Variants in ABCG8 observed in about 807,000 individuals in gnomAD.
ABCG8 encodes the protein ATP-binding cassette sub-family G member 8.
Under a neutral mutation model 71.3 loss-of-function variants are expected in ABCG8, and 81 were observed. The ratio of observed to expected loss-of-function variants is 1.14; its 90% CI spans 0.95 to 1.37. The LOEUF (loss-of-function observed/expected upper bound fraction) is 1.37. Ranked by LOEUF, ABCG8 falls within the 40% of genes most tolerant of loss-of-function variation. The pLI is 0.00. For synonymous variants in ABCG8, 451 were observed against 354.7 expected (o/e 1.27, Z -3.05); for missense variants, 1,119 against 866.2 (o/e 1.29, Z -3.66).
intron 6 of ABCG8, among the ~76,000 whole-genome samples, chr2:43,871,265 C>T (rs867948707): frequency 1.5e-5 from 2 of 135,144 alleles, no homozygotes; most frequent in East Asian, 2.1e-4. Context: ...GAATTCTCAC[C>T]CTCTGGATAG....
At position 43,851,634 on chromosome 2, in the gene ABCG8, G is replaced by A. The variant is rs148408462; in HGVS notation, c.373G>A (p.Gly125Ser). The A allele has an allele frequency of 2.8e-5, 46 of 1,614,128 alleles. No homozygotes were observed. Among genetic ancestry groups the A allele is most frequent in the Non-Finnish European group, 3.6e-5 (43 of 1,180,060 alleles). ...LDVITGRGHG[G>S]KIKSGQIWIN... ...TGTGATCACTGGCCGAGGTCACGGC[G>A]GCAAGATCAAGTCAGGCCAGATCTG... The change falls in exon 4 of 13, where the codon GGC (glycine) becomes AGC (serine). Residue 125 changes from glycine to serine, a missense_variant. Gly to Ser is a moderately conservative substitution (Grantham distance 56). Transcript: ENST00000272286.
chr2:43,857,814 A>G (rs2104926858), intron 6 of ABCG8, among the ~76,000 whole-genome samples: 1 of 151,732 alleles, frequency 6.6e-6, no homozygotes, highest in South Asian at 2.1e-4. Flanking sequence ...AACTCTCACT[A>G]CCTGTCTAGA....
rs1255790891 is a variant in ABCG8 at position 43,880,941 on chromosome 2, G to A, written c.*3028G>A. On this transcript the variant is annotated 3_prime_UTR_variant, in exon 13 of 13. Coordinates refer to ENST00000272286, the MANE Select transcript of ABCG8 (RefSeq NM_022437.3). ...AACTCCCAAGTCCAGCTTTCCCTGA[G>A]TCTGCAGCTGTCTTCCTCACACTCC... is the stretch of plus-strand genomic sequence containing the variant. The A allele has an allele frequency of 6.6e-6, 1 of 152,302 alleles. No homozygotes were observed. The highest frequency in any genetic ancestry group is 1.5e-5 in the Non-Finnish European group (1 of 68,120). The allele number at this position is 152,302 out of a possible 1,614,324, so 9.4% of individuals were successfully genotyped here. A position where few individuals can be genotyped will look rare whatever the true frequency, so the allele number is the denominator to read the frequency against.
intron 6 of ABCG8, among the ~76,000 whole-genome samples, chr2:43,862,444 C>G (rs1669359089): frequency 1.3e-5 from 2 of 150,618 alleles, no homozygotes; most frequent in Admixed American, 6.6e-5. Context: ...AGAACTCTCA[C>G]TATCTGAATA....
rs537784677 is a variant in ABCG8 at position 43,839,403 on chromosome 2, C to CTTTTTTTTTTTTTTTTTTT, written c.63+310_63+328dup. On this transcript the variant is annotated intron_variant, in intron 1 of 12. Coordinates refer to ENST00000272286, the MANE Select transcript of ABCG8 (RefSeq NM_022437.3). ...CACTTTTTCTTTTTTCTTTTCTTCTCTTTTTTTTTTTTTTTTTTTTTTTTT... is the reference window on the plus strand; with the variant it reads ...CACTTTTTCTTTTTTCTTTTCTTCTCTTTTTTTTTTTTTTTTTTTTTTTTTTTTTTTTTTTTTTTTTTTT... Among the ~76,000 whole-genome samples, 22 of 59,310 alleles carry CTTTTTTTTTTTTTTTTTTT rather than the reference C, an allele frequency of 3.7e-4. 3 individuals are homozygous for CTTTTTTTTTTTTTTTTTTT. The highest frequency in any genetic ancestry group is 6.7e-4 in the Non-Finnish European group (21 of 31,220). The allele number at this position is 59,310 out of a possible 152,430, so 38.9% of individuals were successfully genotyped here. A position where few individuals can be genotyped will look rare whatever the true frequency, so the allele number is the denominator to read the frequency against.
At chr2:43,872,400 G>A (rs1020102718) in intron 8 of ABCG8, 94 bp downstream of exon 8, 3 of 1,380,790 alleles carry the variant, frequency 2.2e-6, no homozygotes, top group Non-Finnish European at 3.0e-6. Context: ...ATTTAAAGGA[G>A]AAAGTGAGAG....
chr2:43,844,574 C>T lies in ABCG8; in HGVS notation c.131C>T (p.Pro44Leu). 6.2e-7 allele frequency: 1 copy of T among 1,614,132 alleles called. No individual in the cohort carries two copies. Among genetic ancestry groups the T allele is most frequent in the Non-Finnish European group, 8.5e-7 (1 of 1,180,006 alleles). Residue 44 changes from proline to leucine, a missense_variant, in exon 2 of 13, where the codon CCC becomes CTC. Physicochemically the swap from Pro to Leu is moderately conservative, Grantham distance 98. Coordinates refer to ENST00000272286, the MANE Select transcript of ABCG8 (RefSeq NM_022437.3). The part of the protein sequence containing the change: ...NSLYFTYSGQ[P>L]NTLEVRDLNY... ...CTGTACTTCACCTACAGTGGCCAGCCCAACACCCTGGAGGTCAGAGACCTC... is the reference window on the plus strand; with the variant it reads ...CTGTACTTCACCTACAGTGGCCAGCTCAACACCCTGGAGGTCAGAGACCTC...
intron 6 of ABCG8, among the ~76,000 whole-genome samples, chr2:43,866,314 G>A (rs1669530933): frequency 6.6e-6 from 1 of 151,592 alleles, no homozygotes; most frequent in Non-Finnish European, 1.5e-5. Flanking sequence ...AACACCAAAA[G>A]CAATGGCAAC....
chr2:43,839,244 G>A (rs778758962), intron 1 of ABCG8, 128 bp downstream of exon 1: 86 of 1,041,816 alleles, frequency 8.3e-5, no homozygotes, highest in Non-Finnish European at 1.2e-4. Context: ...GGACATGGCC[G>A]CAGGACTGTT....
In ABCG8 at chr2:43,877,625, G is replaced by A. The variant is rs762395277; in HGVS notation, c.1821G>A (p.Gln607=). The change falls in exon 12 of 13, where the codon CAG becomes CAA. Residue 607 remains glutamine (Q), a synonymous_variant. Transcript: ENST00000272286. ...GTTTTGAAGGGCTGATGAAGATTCA[G>A]TTCAGCAGAAGAACTTATAAAATGC... is the stretch of plus-strand genomic sequence containing the variant. ...RWCFEGLMKI[Q]FSRRTYKMPL... is the part of the protein sequence containing the mutation. The A allele has an allele frequency of 2.5e-6, 4 of 1,614,174 alleles. No individual in the cohort carries two copies. The highest frequency in any genetic ancestry group is 1.6e-4 in the Middle Eastern group (1 of 6,062).
chr2:43,857,140 T>C (rs563960202), intron 6 of ABCG8, among the ~76,000 whole-genome samples: 1 of 151,970 alleles, frequency 6.6e-6, no homozygotes, highest in Admixed American at 6.5e-5. Flanking sequence ...ACTATCTATC[T>C]GGATAGAATT....
At position 43,871,902 on chromosome 2, in the gene ABCG8, G is replaced by A. The variant is rs115578276; in HGVS notation, c.965-74G>A. ...GGGTGATCAGCATTGTGAGCTGGGCGTGCACCAAGCTCTTCACCTGTGAGC... is the reference window on the plus strand; with the variant it reads ...GGGTGATCAGCATTGTGAGCTGGGCATGCACCAAGCTCTTCACCTGTGAGC... On this transcript the variant is annotated intron_variant, in intron 6 of 12. Transcript: ENST00000272286. 2,761 of 1,599,820 alleles carry A rather than the reference G, an allele frequency of 1.7e-3. 26 individuals carry two copies. The African/African-American group carries it at 0.023, about 13-fold the overall frequency.
chr2:43,852,714 C>T lies in ABCG8; in HGVS notation c.810C>T (p.His270=). 1 of 1,614,194 alleles carries T rather than the reference C, an allele frequency of 6.2e-7. No homozygotes were observed. Among genetic ancestry groups the T allele is most frequent in the African/African-American group, 1.3e-5 (1 of 75,052 alleles). The stretch of plus-strand genomic sequence containing the variant: ...ACCGGCTGGTGCTCATCTCCCTCCA[C>T]CAGCCTCGCTCTGACATCTTCAGGC... The part of the protein sequence containing the change: ...KGNRLVLISL[H]QPRSDIFRLF... The change falls in exon 6 of 13, where the codon CAC becomes CAT. Residue 270 remains histidine, a synonymous_variant. Coordinates refer to ENST00000272286, the MANE Select transcript of ABCG8 (RefSeq NM_022437.3).
At position 43,877,487 on chromosome 2, in the gene ABCG8, G is replaced by A. The variant is rs1669995799; in HGVS notation, c.1757-74G>A. The A allele has an allele frequency of 3.1e-6, 5 of 1,607,848 alleles. No homozygotes were observed. In the East Asian group the frequency reaches 8.9e-5, roughly 29 times the overall value. On this transcript the variant is annotated intron_variant, in intron 11 of 12. Transcript: ENST00000272286. ...TATGGGGAGACTCTGTGAATATGGG[G>A]GAGACCATGCGAATATGGGGAAACC...
intron 6 of ABCG8, among the ~76,000 whole-genome samples, chr2:43,857,974 T>C (rs193167104): frequency 1.3e-5 from 2 of 150,954 alleles, no homozygotes; most frequent in Admixed American, 1.3e-4. Flanking sequence ...CTGGATAGAA[T>C]TCTCACTATC....
intron 3 of ABCG8, among the ~76,000 whole-genome samples, chr2:43,851,234 G>C (rs1365147161): frequency 1.3e-5 from 2 of 152,208 alleles, no homozygotes; most frequent in African/African-American, 4.8e-5. Flanking sequence ...AAGGGCCTTG[G>C]TGGGTGGCAG....
chr2:43,839,208 C>A, intron 1 of ABCG8, 92 bp downstream of exon 1: 1 of 1,351,404 alleles, frequency 7.4e-7, no homozygotes, highest in Non-Finnish European at 1.0e-6. Context: ...TCTGTCCTAG[C>A]ACCACCCGGA....
At chr2:43,870,360 G>T (rs1322452427) in intron 6 of ABCG8, among the ~76,000 whole-genome samples, 2 of 151,278 alleles carry the variant, frequency 1.3e-5, no homozygotes, top group Non-Finnish European at 2.9e-5. Flanking sequence ...TCACTCTCTG[G>T]ATAGAATTCT....
At chr2:43,874,283 A>C (rs1669882182) in intron 9 of ABCG8, 124 bp from the exon 10 acceptor site, 1 of 963,302 alleles carries the variant, frequency 1.0e-6, no homozygotes. Context: ...CTATTTAAAA[A>C]AAAAAATTAG....
Sources: allele counts gnomAD v4.1 joint callset (sites outside exome capture counted in the v4.1 genomes callset), GRCh38; gene constraint gnomAD v4.1.1; transcripts MANE v1.5; gene names NCBI Gene and HGNC (gene_info 2026-07-23, HGNC 2026-07-21).